The following SORBS3 variants were observed in gnomAD, a reference collection of about 807,000 sequenced individuals.
SORBS3 encodes sorbin and SH3 domain containing 3.
In SORBS3, 69 loss-of-function variants were observed where a neutral mutation model predicts 98.0. The observed-to-expected ratio is 0.70, with a 90% CI of 0.58 to 0.86. The LOEUF is 0.86. SORBS3 is among the 40% of genes least tolerant of loss of function. The pLI, the probability that SORBS3 is intolerant of heterozygous loss-of-function variation, is 0.00. For missense variants in SORBS3, 954 were observed against 908.5 expected (o/e 1.05, Z -0.64); for synonymous variants, 394 against 355.4 (o/e 1.11, Z -1.22).
chr8:22,552,971 T>G (rs1452871405), intron 1 of SORBS3, among the ~76,000 whole-genome samples: 1 of 152,158 alleles, frequency 6.6e-6, no homozygotes, highest in Non-Finnish European at 1.5e-5. Context: ...AAGAGCTGTG[T>G]CGCAGCAACT....
chr8:22,558,030 G>T (rs1279076260), intron 4 of SORBS3, 99 bp from the exon 5 acceptor site: 1 of 1,118,090 alleles, frequency 8.9e-7, no homozygotes, highest in Admixed American at 1.7e-5. Flanking sequence ...GGGGTTCAGG[G>T]ATGGCCAGAG....
chr8:22,562,058 T>G, intron 7 of SORBS3, 127 bp downstream of exon 7: 9 of 803,482 alleles, frequency 1.1e-5, no homozygotes, highest in Non-Finnish European at 1.9e-5. Context: ...GGGTCTCACT[T>G]CCGTGTCCGT....
chr8:22,570,788 C>G, intron 17 of SORBS3, 122 bp from the exon 18 acceptor site: 1 of 823,706 alleles, frequency 1.2e-6, no homozygotes, highest in Non-Finnish European at 1.8e-6. Context: ...ACTGCTGGCC[C>G]CCTGCGATTC....
At position 22,554,512 on chromosome 8, in the gene SORBS3, G is replaced by A; in HGVS notation, c.6G>A (p.Gln2=). The change falls in exon 2 of 21, where the codon CAG becomes CAA. Residue 2 remains glutamine (Q), a synonymous_variant. Coordinates refer to ENST00000240123, the MANE Select transcript of SORBS3 (RefSeq NM_005775.5). The surrounding 1 kb of genome is among the most constrained non-coding windows in gnomAD (Gnocchi z 6.5). The part of the protein sequence containing the change: M[Q]GPPRSLRAGL... ...CCTCCCACCTTGACCCAAGCATGCA[G>A]GGCCCACCCCGCAGCCTCCGCGCTG... 1 of 1,611,482 alleles carries A rather than the reference G, an allele frequency of 6.2e-7. No homozygotes were observed. The highest frequency in any genetic ancestry group is 8.5e-7 in the Non-Finnish European group (1 of 1,179,726).
At chr8:22,548,408 A>G (rs142417839), upstream of SORBS3, among the ~76,000 whole-genome samples, 39 of 152,334 alleles carry the variant, frequency 2.6e-4, no homozygotes, top group Non-Finnish European at 5.4e-4. Flanking sequence ...CTTGGTTTCA[A>G]TTCCTCACCA....
At chr8:22,557,643 A>T (rs199661617) in intron 4 of SORBS3, among the ~76,000 whole-genome samples, 4 of 58,234 alleles carry the variant, frequency 6.9e-5, no homozygotes, top group Admixed American at 4.6e-4. Context: ...CTGTCTCTAT[A>T]AAAAAAAAAA....
chr8:22,546,453 C>T (rs973032414), intron 1 of SORBS3, among the ~76,000 whole-genome samples: 4 of 152,130 alleles, frequency 2.6e-5, no homozygotes, highest in Admixed American at 2.6e-4. Flanking sequence ...CTCTCTCTTT[C>T]GTCTCTCCAG....
chr8:22,564,981 G>T, intron 10 of SORBS3: 1 of 1,361,344 alleles, frequency 7.3e-7, no homozygotes, highest in Non-Finnish European at 9.5e-7. Context: ...CCCCATTGGT[G>T]CTGTAACAGA....
rs115979105 is a variant in SORBS3, at chr8:22,558,209, G to T, written c.478+17G>T. 1 of 1,613,228 alleles carries T rather than the reference G, an allele frequency of 6.2e-7. No homozygotes were observed. Among genetic ancestry groups the T allele is most frequent in the African/African-American group, 1.3e-5 (1 of 74,918 alleles). On this transcript the variant is annotated intron_variant, in intron 5 of 20. Transcript: ENST00000240123. ...AAATGCCAGGTAAGATACCCTTCCA[G>T]GGCCCTCTCCCTGCCAAAGTGGATT...
chr8:22,556,989 G>T, intron 4 of SORBS3, 81 bp downstream of exon 4: 2 of 1,507,884 alleles, frequency 1.3e-6, no homozygotes, highest in Non-Finnish European at 1.8e-6. Flanking sequence ...TAAAATGGGG[G>T]TGGGGCAATA....
rs200177224 is a variant in SORBS3, at chr8:22,571,006, G to A, written c.1528G>A (p.Val510Met). 1.9e-5 allele frequency: 30 copies of A among 1,613,738 alleles called. No individual in the cohort carries two copies. Among genetic ancestry groups the A allele is most frequent in the Admixed American group, 8.3e-5 (5 of 59,996 alleles). Residue 510 changes from valine (V) to methionine (M), a missense_variant, in exon 18 of 21, where the codon GTG becomes ATG. Coordinates refer to ENST00000240123, the MANE Select transcript of SORBS3 (RefSeq NM_005775.5). ...CCAAGGCATATTCCCTGCCAGCTACGTGCAGGTGTCTCGTGAACCCCGGCT... is the reference window on the plus strand; with the variant it reads ...CCAAGGCATATTCCCTGCCAGCTACATGCAGGTGTCTCGTGAACCCCGGCT... ...GRQGIFPASY[V>M]QVSREPRLRL...
chr8:22,556,586 A>C, intron 3 of SORBS3, 129 bp from the exon 4 acceptor site: 2 of 762,448 alleles, frequency 2.6e-6, no homozygotes, highest in Non-Finnish European at 4.4e-6. Context: ...TGAGTCATCC[A>C]CTCAAACAAA....
In SORBS3 at chr8:22,571,181, G is replaced by A; in HGVS notation, c.1703G>A (p.Gly568Asp). Residue 568 changes from glycine (G) to aspartate (D), a missense_variant, in exon 18 of 21, where the codon GGC becomes GAC. By Grantham distance (94) the Gly-to-Asp change is moderately conservative. Transcript: ENST00000240123. ...GGACAGACCTCCCCCCGTCGCACTG[G>A]CTTCTCCTTCCCCACCCAGGAGCCT... is the stretch of plus-strand genomic sequence containing the variant. Reference protein sequence around the residue: ...LGGQTSPRRTGFSFPTQEPRP... With the variant: ...LGGQTSPRRTDFSFPTQEPRP... The A allele has an allele frequency of 6.3e-7, 1 of 1,575,242 alleles. No individual in the cohort carries two copies. Among genetic ancestry groups the A allele is most frequent in the South Asian group, 1.1e-5 (1 of 89,186 alleles).
intron 20 of SORBS3, among the ~76,000 whole-genome samples, chr8:22,573,726 G>T (rs1441630028): frequency 1.3e-5 from 2 of 152,240 alleles, no homozygotes; most frequent in Non-Finnish European, 2.9e-5. Flanking sequence ...TGCCAGCCTG[G>T]AAGGGGAGGC....
rs111422443 is a variant in SORBS3, at chr8:22,554,487, C to T, written c.-20C>T. 2,808 of 1,605,994 alleles carry T rather than the reference C, an allele frequency of 1.7e-3. 57 individuals are homozygous for T. In the African/African-American group the frequency reaches 0.032, roughly 18 times the overall value. On this transcript the variant is annotated 5_prime_UTR_variant, in exon 2 of 21. Transcript: ENST00000240123. The surrounding 1 kb of genome is among the most constrained non-coding windows in gnomAD (Gnocchi z 6.5). ...GAGGAGCAGCTGGCTTGCCCGGAGT[C>T]CTCCCACCTTGACCCAAGCATGCAG...
At position 22,574,593 on chromosome 8, in the gene SORBS3, G is replaced by C. The variant is rs915106789; in HGVS notation, c.1955-74G>C. On this transcript the variant is annotated intron_variant, in intron 20 of 20. Coordinates refer to ENST00000240123, the MANE Select transcript of SORBS3 (RefSeq NM_005775.5). Reference sequence around the variant, plus strand: ...CTACAGTTCTGGGCACTGCCGGCAGGGGGCAGGCCCTCACCCCTGCATCCC... The same window carrying C: ...CTACAGTTCTGGGCACTGCCGGCAGCGGGCAGGCCCTCACCCCTGCATCCC... 7 of 1,478,218 alleles carry C rather than the reference G, an allele frequency of 4.7e-6. No homozygotes were observed. The African/African-American group carries it at 5.6e-5, about 12-fold the overall frequency. 91.6% of individuals were successfully genotyped at this position (1,478,218 alleles called of 1,614,324 possible). A position where few individuals can be genotyped will look rare whatever the true frequency, so the allele number is the denominator to read the frequency against.
intron 10 of SORBS3, 135 bp from the exon 11 acceptor site, chr8:22,565,133 C>G (rs1458365272): frequency 6.8e-7 from 1 of 1,470,090 alleles, no homozygotes; most frequent in Admixed American, 2.1e-5. Context: ...CTGGCAGGAG[C>G]CCGGCCCGTG....
chr8:22,561,940 A>G lies in SORBS3; in HGVS notation c.584+9A>G. On this transcript the variant is annotated intron_variant, in intron 7 of 20. Transcript: ENST00000240123. ...GCAACATCTTCCAGTGGGTGAGCAC[A>G]GTGGGGCGGGGCCGAGGGCTGCGGA... 1 of 1,613,790 alleles carries G rather than the reference A, an allele frequency of 6.2e-7. No homozygotes were observed. Among genetic ancestry groups the G allele is most frequent in the Non-Finnish European group, 8.5e-7 (1 of 1,179,840 alleles).
chr8:22,569,378 T>G, intron 17 of SORBS3, 105 bp downstream of exon 17: 1 of 1,039,134 alleles, frequency 9.6e-7, no homozygotes, highest in Non-Finnish European at 1.3e-6. Flanking sequence ...TCTCACTCTA[T>G]CGCCAGGCTG....
Sources: allele counts gnomAD v4.1 joint callset (sites outside exome capture counted in the v4.1 genomes callset), GRCh38; gene constraint gnomAD v4.1.1; non-coding constraint Gnocchi (gnomAD v3.1); transcripts MANE v1.5; gene names NCBI Gene and HGNC (gene_info 2026-07-23, HGNC 2026-07-21).